ATAD3B: variants seen among roughly 807,000 people sequenced by gnomAD.
The protein encoded by ATAD3B is ATPase family AAA domain containing 3B.
ATAD3B carries 59 observed loss-of-function variants against 70.2 expected under a neutral mutation model. The ratio of observed to expected loss-of-function variants is 0.84; its 90% confidence interval spans 0.68 to 1.04. The LOEUF (loss-of-function observed/expected upper bound fraction) is 1.04. Among genes scored for constraint, ATAD3B ranks in the 50% least tolerant of loss-of-function variants. ATAD3B has a pLI of 0.00. For missense variants in ATAD3B, 961 were observed against 913.4 expected (o/e 1.05, Z -0.67); for synonymous variants, 423 against 388.6 (o/e 1.09, Z -1.04).
At chr1:1,486,704 C>T (rs1287265626) in intron 11 of ATAD3B, 36 bp downstream of exon 11, 2 of 1,547,372 alleles carry the variant, frequency 1.3e-6, no homozygotes, top group Non-Finnish European at 8.7e-7. Context: ...AGGCCCTTGG[C>T]TGCGGCCCAG....
Position 1,495,622 on chromosome 1 carries a change from C to G in ATAD3B, c.1752C>G (p.Pro584=), listed in dbSNP as rs752241293. ...GGCCTGGGCGCGGGGTCGAGCACCCCCTATCCGGAGTCCAAGGCGAGACCC... is the reference window on the plus strand; with the variant it reads ...GGCCTGGGCGCGGGGTCGAGCACCCGCTATCCGGAGTCCAAGGCGAGACCC... ...AEGPGRGVEH[P]LSGVQGETLT... is the part of the protein sequence containing the mutation. Residue 584 remains proline, a synonymous_variant, in exon 16 of 16, where the codon CCC becomes CCG. Transcript: ENST00000673477. 6.2e-7 allele frequency: 1 copy of G among 1,613,066 alleles called. No homozygotes were observed. The highest frequency in any genetic ancestry group is 1.7e-4 in the Middle Eastern group (1 of 6,060).
the ATAD3B span, chr1:1,503,746 G>C: frequency 6.4e-7 from 1 of 1,572,258 alleles, no homozygotes; most frequent in South Asian, 1.1e-5. Flanking sequence ...CCGGTGGGTA[G>C]GGCTGGTGGC....
At chr1:1,495,242 A>G (rs1447264834) in intron 15 of ATAD3B, among the ~76,000 whole-genome samples, 3 of 151,878 alleles carry the variant, frequency 2.0e-5, no homozygotes, top group South Asian at 2.1e-4. Context: ...TGGGTTTTCT[A>G]TTATCAGAAA....
chr1:1,481,703 T>C (rs1639911551), intron 5 of ATAD3B, among the ~76,000 whole-genome samples: 1 of 146,140 alleles, frequency 6.8e-6, no homozygotes, highest in South Asian at 2.2e-4. Context: ...CCTTCAGAAC[T>C]CCGCGTTCTG....
intron 15 of ATAD3B, among the ~76,000 whole-genome samples, chr1:1,492,566 T>A (rs1350020872): frequency 1.3e-5 from 2 of 150,860 alleles, no homozygotes; most frequent in Non-Finnish European, 3.0e-5. Flanking sequence ...GAGGCCGAGG[T>A]GTTGGATCAC....
chr1:1,493,572 C>T lies in ATAD3B; in HGVS notation c.1615-1913C>T, dbSNP rs569778472. On this transcript the variant is annotated intron_variant, in intron 15 of 15. Coordinates refer to ENST00000673477, the MANE Select transcript of ATAD3B (RefSeq NM_031921.6). The stretch of plus-strand genomic sequence containing the variant: ...CGTCAGGTGACCTGCCCACCTCAGC[C>T]TCCCAAAGTGCTGGGATTACAGGTG... 2.1e-3 allele frequency among the ~76,000 whole-genome samples: 320 copies of T among 151,998 alleles called. 2 individuals are homozygous for T. The highest frequency in any genetic ancestry group is 7.3e-3 in the African/African-American group (302 of 41,498).
Position 1,482,241 on chromosome 1 carries a change from C to T in ATAD3B, c.618C>T (p.Ile206=), listed in dbSNP as rs1286455358. ...AGGCCGAGCGGGAGAATGCAGACATCATCCGCGAGCAGATCCGCCTGAAGG... is the reference window on the plus strand; with the variant it reads ...AGGCCGAGCGGGAGAATGCAGACATTATCCGCGAGCAGATCCGCCTGAAGG... ...RAKAERENAD[I]IREQIRLKAS... The change falls in exon 6 of 16, where the codon ATC becomes ATT. Residue 206 remains isoleucine, a synonymous_variant. Transcript: ENST00000673477. 1 of 1,611,462 alleles carries T rather than the reference C, an allele frequency of 6.2e-7. No homozygotes were observed. The highest frequency in any genetic ancestry group is 2.2e-5 in the East Asian group (1 of 44,864).
At chr1:1,486,423 G>C in intron 10 of ATAD3B, 121 bp from the exon 11 acceptor site, 2 of 1,603,388 alleles carry the variant, frequency 1.2e-6, no homozygotes, top group Non-Finnish European at 1.7e-6. Context: ...TCTCCTGTCT[G>C]GCAGGCTGTG....
chr1:1,482,443 G>T, intron 6 of ATAD3B, 102 bp from the exon 7 acceptor site: 2 of 1,602,152 alleles, frequency 1.2e-6, no homozygotes, highest in Non-Finnish European at 1.7e-6. Flanking sequence ...CTCTGTCCTG[G>T]CAAGGCCGTG....
Position 1,490,577 on chromosome 1 carries a change from C to G in ATAD3B, c.1520C>G (p.Ala507Gly). 6.2e-7 allele frequency: 1 copy of G among 1,610,824 alleles called. No individual in the cohort carries two copies. The highest frequency in any genetic ancestry group is 8.5e-7 in the Non-Finnish European group (1 of 1,178,926). ...TCCTTCCCCAGGCGCCTGAAGCTGG[C>G]CCAGTTTGACTACGGGAGGAAGTGC... ...ATEGKRRLKL[A>G]QFDYGRKCSE... Residue 507 changes from alanine (A) to glycine (G), a missense_variant, in exon 15 of 16, where the codon GCC (alanine) becomes GGC (glycine). Ala to Gly is a moderately conservative substitution (Grantham distance 60). Transcript: ENST00000673477.
At chr1:1,500,758 C>T (rs1406753905), downstream of ATAD3B, among the ~76,000 whole-genome samples, 1 of 151,302 alleles carries the variant, frequency 6.6e-6, no homozygotes, top group Non-Finnish European at 1.5e-5. Context: ...TCGAGACCAT[C>T]CTGGCTAACA....
At chr1:1,489,397 CAG>C (rs1640407294) in intron 13 of ATAD3B, 123 bp downstream of exon 13, 2 of 1,520,494 alleles carry the variant, frequency 1.3e-6, no homozygotes, top group South Asian at 2.4e-5. Flanking sequence ...GTGCCCACCT[CAG>C]ATGTCCCCTG....
At chr1:1,486,353 C>T (rs112250334) in intron 10 of ATAD3B, 118 bp downstream of exon 10, 11 of 1,589,696 alleles carry the variant, frequency 6.9e-6, no homozygotes, top group African/African-American at 2.7e-5. Context: ...TGCCTACCCT[C>T]GTGTAGGCTC....
intron 1 of ATAD3B, among the ~76,000 whole-genome samples, chr1:1,475,419 G>A (rs575205561): frequency 6.6e-6 from 1 of 151,026 alleles, no homozygotes; most frequent in Non-Finnish European, 1.5e-5. Flanking sequence ...CCCTCCCGAC[G>A]CTCCTGGCTT....
chr1:1,496,172 G>T lies in ATAD3B; in HGVS notation c.*355G>T. 3.8e-6 allele frequency: 4 copies of T among 1,053,838 alleles called. No individual in the cohort carries two copies. In the South Asian group the frequency reaches 1.7e-4, roughly 45 times the overall value. The allele number at this position is 1,053,838 out of a possible 1,614,324, so 65.3% of individuals were successfully genotyped here. A position where few individuals can be genotyped will look rare whatever the true frequency, so the allele number is the denominator to read the frequency against. On this transcript the variant is annotated 3_prime_UTR_variant, in exon 16 of 16. Transcript: ENST00000673477. Reference sequence around the variant, plus strand: ...AAGCCTGTGGCTGGAGCTGGTGTGTGTTTATCTAATAAAGTCCCACAGGTG... The same window carrying T: ...AAGCCTGTGGCTGGAGCTGGTGTGTTTTTATCTAATAAAGTCCCACAGGTG...
chr1:1,476,928 T>A (rs143786449), intron 1 of ATAD3B, among the ~76,000 whole-genome samples: 4,475 of 152,128 alleles, frequency 0.029, 234 homozygotes, highest in African/African-American at 0.1. Context: ...AGCCTTGGCC[T>A]CCCCAGTAGC....
chr1:1,478,723 A>C lies in ATAD3B; in HGVS notation c.362A>C (p.Glu121Ala). ...QAEERRKTLSEETRQHQARAQ... is the reference protein window; with the variant it reads ...QAEERRKTLSAETRQHQARAQ... ...GAGGAGAGGAGGAAGACCCTGAGCG[A>C]GGAGACCCGGCAGCACCAGGCCGTA... The change falls in exon 3 of 16, where the codon GAG becomes GCG. Residue 121 changes from glutamate (E) to alanine (A), a missense_variant. By Grantham distance (107) the Glu-to-Ala change is moderately radical (BLOSUM62 -1). Transcript: ENST00000673477. 3.9e-6 allele frequency: 6 copies of C among 1,528,162 alleles called. No individual in the cohort carries two copies. The highest frequency in any genetic ancestry group is 4.6e-4 in the Middle Eastern group (2 of 4,336). 94.7% of individuals were successfully genotyped at this position (1,528,162 alleles called of 1,614,324 possible). A position where few individuals can be genotyped will look rare whatever the true frequency, so the allele number is the denominator to read the frequency against.
Position 1,490,315 on chromosome 1 carries a change from C to T in ATAD3B, c.1396C>T (p.Arg466Cys), listed in dbSNP as rs146786309. Residue 466 changes from arginine (R) to cysteine (C), a missense_variant, in exon 14 of 16, where the codon CGC becomes TGC. By Grantham distance (180) the Arg-to-Cys change is radical. Around this residue, in one of 4 missense-constraint regions of ATAD3B, gnomAD observed 417 missense variants for 335.0 expected, o/e 1.24. Coordinates refer to ENST00000673477, the MANE Select transcript of ATAD3B (RefSeq NM_031921.6). ...GCAGTTCGACTGTGCCATCAACAGC[C>T]GCATTGACGTGATGGTCCACTTCGA... ...PEQFDCAINS[R>C]IDVMVHFDLP... 29 of 1,613,114 alleles carry T rather than the reference C, an allele frequency of 1.8e-5. 1 individual carries two copies. The highest frequency in any genetic ancestry group is 1.5e-4 in the African/African-American group (11 of 74,932).
chr1:1,489,768 G>T, intron 13 of ATAD3B: 1 of 1,304,408 alleles, frequency 7.7e-7, no homozygotes, highest in Non-Finnish European at 1.0e-6. Context: ...TTGGGCTCCT[G>T]GGTCAGCTGC....
Sources: allele counts gnomAD v4.1 joint callset (sites outside exome capture counted in the v4.1 genomes callset), GRCh38; gene constraint gnomAD v4.1.1; regional missense constraint gnomAD v4.1.1; transcripts MANE v1.5; gene names NCBI Gene and HGNC (gene_info 2026-07-23, HGNC 2026-07-21).